The following MON2 variants were observed in gnomAD, a reference collection of about 807,000 sequenced individuals.
MON2 encodes the protein protein MON2 homolog.
MON2 carries 84 observed loss-of-function variants against 208.6 expected under a neutral mutation model. The observed-to-expected ratio is 0.40, with a 90% CI of 0.34 to 0.48. The LOEUF is 0.48. Ranked by LOEUF, MON2 falls within the 20% of genes least tolerant of loss-of-function variation. The pLI, the probability that MON2 is intolerant of heterozygous loss-of-function variation, is 0.59. For missense variants in MON2, 1,611 were observed against 2,015.4 expected, an observed-to-expected ratio of 0.80 and a Z score of 3.84; for synonymous variants, 660 against 694.0, an observed-to-expected ratio of 0.95 and a Z score of 0.77.
chr12:62,569,078 T>C (rs1426305408), intron 29 of MON2, among the ~76,000 whole-genome samples: 5 of 152,230 alleles, frequency 3.3e-5, no homozygotes, highest in African/African-American at 1.2e-4. Flanking sequence ...GTGAACCTTG[T>C]GGTGACAGGC....
chr12:62,470,670 TA>T (rs1450004644), intron 1 of MON2: 4 of 1,039,970 alleles, frequency 3.8e-6, no homozygotes, highest in Admixed American at 4.8e-5. Flanking sequence ...ATTTCATGAA[TA>T]AAAACTTTCT....
chr12:62,572,073 C>CT (rs1406097643), intron 30 of MON2, among the ~76,000 whole-genome samples: 2 of 152,194 alleles, frequency 1.3e-5, no homozygotes, highest in East Asian at 3.8e-4. Context: ...CACTGAACTA[C>CT]TTACTGTAGG....
Position 62,593,541 on chromosome 12 carries a change from T to C in MON2, c.*792T>C, listed in dbSNP as rs935832165. 6.6e-6 allele frequency: 1 copy of C among 152,584 alleles called. No homozygotes were observed. The highest frequency in any genetic ancestry group is 2.4e-5 in the African/African-American group (1 of 41,458). 9.5% of individuals were successfully genotyped at this position (152,584 alleles called of 1,614,324 possible). A position where few individuals can be genotyped will look rare whatever the true frequency, so the allele number is the denominator to read the frequency against. On this transcript the variant is annotated 3_prime_UTR_variant, in exon 35 of 35. Coordinates refer to ENST00000393630, the MANE Select transcript of MON2 (RefSeq NM_015026.3). ...TTGCTGATTTTGGAGCTTTGAAATA[T>C]AGGTTCTTAATACATTGATACATAT...
chr12:62,481,316 G>C (rs1335472544), intron 1 of MON2, among the ~76,000 whole-genome samples: 1 of 152,106 alleles, frequency 6.6e-6, no homozygotes, highest in Non-Finnish European at 1.5e-5. Context: ...CACGAGGTCA[G>C]GTGATGGAGA....
chr12:62,476,225 A>C (rs572106147), intron 1 of MON2, among the ~76,000 whole-genome samples: 2 of 152,160 alleles, frequency 1.3e-5, no homozygotes, highest in Non-Finnish European at 2.9e-5. Context: ...TACAGAAGAA[A>C]ATCTTATTGA....
Position 62,543,992 on chromosome 12 carries a change from T to C in MON2, c.2466+794T>C, listed in dbSNP as rs186018713. ...ATAGTGCTGGAGAATTTTACCTGGA[T>C]TTACATTGTCTTACATTCAGGTTGA... On this transcript the variant is annotated intron_variant, in intron 20 of 34. Transcript: ENST00000393630. 7.9e-5 allele frequency among the ~76,000 whole-genome samples: 12 copies of C among 152,314 alleles called. No homozygotes were observed. The East Asian group carries it at 2.3e-3, about 29-fold the overall frequency.
chr12:62,477,840 T>A (rs978684161), intron 1 of MON2, among the ~76,000 whole-genome samples: 1 of 152,256 alleles, frequency 6.6e-6, no homozygotes, highest in Non-Finnish European at 1.5e-5. Flanking sequence ...CTAGAGCTAC[T>A]GAAAGAGACC....
Position 62,600,277 on chromosome 12 carries a change from A to T in MON2, c.*7528A>T, listed in dbSNP as rs1451386661. ...GGCCAGAAAATCCATGTCTTCCCAC[A>T]ATAGGGACCAATTTTTTGCCTTTCA... is the stretch of plus-strand genomic sequence containing the variant. On this transcript the variant is annotated 3_prime_UTR_variant, in exon 35 of 35. Coordinates refer to ENST00000393630, the MANE Select transcript of MON2 (RefSeq NM_015026.3). 2 of 152,236 alleles carry T rather than the reference A, an allele frequency of 1.3e-5. No individual in the cohort carries two copies. The highest frequency in any genetic ancestry group is 2.9e-5 in the Non-Finnish European group (2 of 68,048). The allele number at this position is 152,236 out of a possible 1,614,324, so 9.4% of individuals were successfully genotyped here. A position where few individuals can be genotyped will look rare whatever the true frequency, so the allele number is the denominator to read the frequency against.
intron 32 of MON2, among the ~76,000 whole-genome samples, chr12:62,581,431 C>G (rs920279207): frequency 6.6e-6 from 1 of 152,054 alleles, no homozygotes; most frequent in Non-Finnish European, 1.5e-5. Flanking sequence ...TGACACATGC[C>G]TGTAGTCCTA....
At chr12:62,526,356 A>G (rs1315181206) in intron 11 of MON2, among the ~76,000 whole-genome samples, 2 of 152,140 alleles carry the variant, frequency 1.3e-5, no homozygotes, top group South Asian at 2.1e-4. Flanking sequence ...TAGCTCTCCT[A>G]TACAGCTTTT....
chr12:62,523,853 A>G (rs1469084254), intron 8 of MON2, among the ~76,000 whole-genome samples: 2 of 152,152 alleles, frequency 1.3e-5, no homozygotes, highest in Admixed American at 6.6e-5. Context: ...TGAACGGGTT[A>G]GCTTTTGTTT....
intron 2 of MON2, among the ~76,000 whole-genome samples, chr12:62,488,346 A>G (rs1277778469): frequency 6.6e-6 from 1 of 152,168 alleles, no homozygotes; most frequent in Non-Finnish European, 1.5e-5. Context: ...TAGCCAGGCA[A>G]ATAAAATATA....
At chr12:62,548,420 T>C (rs2073594764) in intron 22 of MON2, among the ~76,000 whole-genome samples, 1 of 152,012 alleles carries the variant, frequency 6.6e-6, no homozygotes, top group Admixed American at 6.6e-5. Context: ...ACTTTTGGGG[T>C]AGGAGATTGC....
In MON2 at chr12:62,537,564, A is replaced by G. The variant is rs377169869; in HGVS notation, c.2014-38A>G. 44 of 1,446,066 alleles carry G rather than the reference A, an allele frequency of 3.0e-5. No individual in the cohort carries two copies. In the African/African-American group the frequency reaches 4.4e-4, roughly 15 times the overall value. The allele number at this position is 1,446,066 out of a possible 1,614,324, so 89.6% of individuals were successfully genotyped here. A position where few individuals can be genotyped will look rare whatever the true frequency, so the allele number is the denominator to read the frequency against. Reference sequence around the variant, plus strand: ...ATAAGCTTTTAATTTTTAAGAATACATAACAATTATTGAAAATGTATCCTT... The same window carrying G: ...ATAAGCTTTTAATTTTTAAGAATACGTAACAATTATTGAAAATGTATCCTT... On this transcript the variant is annotated intron_variant, in intron 15 of 34. Coordinates refer to ENST00000393630, the MANE Select transcript of MON2 (RefSeq NM_015026.3).
chr12:62,543,059 T>G (rs1565666328), intron 19 of MON2, 38 bp from the exon 20 acceptor site: 1 of 1,130,880 alleles, frequency 8.8e-7, no homozygotes, highest in Non-Finnish European at 1.3e-6. Context: ...CTCAGAATTC[T>G]CCTTATACTA....
intron 8 of MON2, among the ~76,000 whole-genome samples, chr12:62,520,205 T>C (rs886989187): frequency 6.6e-6 from 1 of 152,240 alleles, no homozygotes; most frequent in African/African-American, 2.4e-5. Context: ...AATGGATCTT[T>C]TAGTCATGCA....
At chr12:62,584,481 A>C (rs1203948532) in intron 32 of MON2, among the ~76,000 whole-genome samples, 2 of 152,162 alleles carry the variant, frequency 1.3e-5, no homozygotes, top group Non-Finnish European at 2.9e-5. Flanking sequence ...AGGCTGGCGG[A>C]TCACGAGGTC....
intron 8 of MON2, among the ~76,000 whole-genome samples, chr12:62,515,658 C>CA (rs1247008949): frequency 2.6e-5 from 4 of 151,812 alleles, no homozygotes; most frequent in African/African-American, 7.3e-5. Context: ...ACTAAAAATA[C>CA]AAAAAAATTA....
chr12:62,532,459 T>C lies in MON2; in HGVS notation c.1422T>C (p.Val474=), dbSNP rs1441447539. 1 of 1,613,954 alleles carries C rather than the reference T, an allele frequency of 6.2e-7. No individual in the cohort carries two copies. The highest frequency in any genetic ancestry group is 1.1e-5 in the South Asian group (1 of 91,090). The change falls in exon 12 of 35, where the codon GTT becomes GTC. Residue 474 remains valine, a synonymous_variant. Transcript: ENST00000393630. The part of the protein sequence containing the change: ...KATYLEMLDK[V]EPPTIPEGYA... Reference sequence around the variant, plus strand: ...TCAGCTTAGAAATGTTGGACAAAGTTGAGCCTCCAACTATACCTGAAGGTT... The same window carrying C: ...TCAGCTTAGAAATGTTGGACAAAGTCGAGCCTCCAACTATACCTGAAGGTT...
Sources: gnomAD v4.1 joint callset for allele counts (sites outside exome capture counted in the v4.1 genomes callset) on GRCh38, gnomAD v4.1.1 for gene constraint, MANE v1.5 for transcripts, NCBI Gene and HGNC (gene_info 2026-07-23, HGNC 2026-07-21) for gene names.